The following BCAS3 variants were observed in gnomAD, a reference collection of about 807,000 sequenced individuals.
The protein encoded by BCAS3 is BCAS4/BCAS3 fusion.
Under a neutral mutation model 116.1 loss-of-function variants are expected in BCAS3, and 53 were observed. That is an observed-to-expected ratio of 0.46 (90% CI 0.37 to 0.57). The LOEUF is 0.57. Ranked by LOEUF, BCAS3 falls within the 20% of genes least tolerant of loss-of-function variation. The probability of loss-of-function intolerance (pLI) is 0.00; values close to 1 mark genes in which losing one functional copy is unlikely to be tolerated. For missense variants in BCAS3, 917 were observed against 1,165.4 expected (o/e 0.79, Z 3.10); for synonymous variants, 391 against 408.2 (o/e 0.96, Z 0.51).
At chr17:60,710,875 T>G (rs1026307265) in intron 5 of BCAS3, among the ~76,000 whole-genome samples, 18 of 151,886 alleles carry the variant, frequency 1.2e-4, no homozygotes, top group African/African-American at 2.2e-4. Flanking sequence ...TGATTGTAAT[T>G]CACTCTATCC....
rs1190339661 is a variant in BCAS3, at chr17:61,215,232, T to A, written c.2425+130668T>A. On this transcript the variant is annotated intron_variant, in intron 22 of 23. Transcript: ENST00000407086. This position sits in a 1 kb window ranked among gnomAD's most constrained non-coding sequence, Gnocchi z 4.8. Reference sequence around the variant, plus strand: ...AGAGGAGAACAAATCTCTTTTGAAATTCATTTGTTAAAGAAAATATTTCAG... The same window carrying A: ...AGAGGAGAACAAATCTCTTTTGAAAATCATTTGTTAAAGAAAATATTTCAG... 6.6e-6 allele frequency among the ~76,000 whole-genome samples: 1 copy of A among 152,216 alleles called. No homozygotes were observed. The highest frequency in any genetic ancestry group is 1.5e-5 in the Non-Finnish European group (1 of 68,038).
chr17:61,052,907 A>G (rs914005521), intron 19 of BCAS3, among the ~76,000 whole-genome samples: 5 of 151,528 alleles, frequency 3.3e-5, no homozygotes, highest in African/African-American at 1.2e-4. Flanking sequence ...TAGTAGGGAC[A>G]GGGTTTCACC....
intron 9 of BCAS3, 72 bp from the exon 10 acceptor site, chr17:60,889,623 G>A (rs987304960): frequency 9.2e-6 from 11 of 1,197,658 alleles, no homozygotes; most frequent in African/African-American, 6.1e-5. Flanking sequence ...TGTTTTTCTG[G>A]CATCGATATA....
In BCAS3 at chr17:61,156,136, CAG is replaced by C. The variant is rs1277238091; in HGVS notation, c.2425+71578_2425+71579del. Reference sequence around the variant, plus strand: ...ACTCGGTATGCACCACAAACAAACGCAGAGAGACAGAGAAAGACAGTCAGCCA... The same window carrying C: ...ACTCGGTATGCACCACAAACAAACGCAGAGACAGAGAAAGACAGTCAGCCA... On this transcript the variant is annotated intron_variant, in intron 22 of 23. Transcript: ENST00000407086. The surrounding 1 kb of genome is among the most constrained non-coding windows in gnomAD (Gnocchi z 4.7). Among the ~76,000 whole-genome samples the C allele has an allele frequency of 1.3e-5, 2 of 149,026 alleles. No homozygotes were observed. Among genetic ancestry groups the C allele is most frequent in the Non-Finnish European group, 3.0e-5 (2 of 67,390 alleles).
At chr17:61,040,994 T>C in intron 19 of BCAS3, 102 bp downstream of exon 19, 3 of 947,486 alleles carry the variant, frequency 3.2e-6, no homozygotes, top group Admixed American at 2.1e-5. Context: ...CCATAGGCCA[T>C]GGGCCTTAAA....
chr17:60,910,912 A>G (rs1256644832), intron 12 of BCAS3, among the ~76,000 whole-genome samples: 1 of 152,194 alleles, frequency 6.6e-6, no homozygotes, highest in African/African-American at 2.4e-5. Flanking sequence ...ACCTGAAGGT[A>G]AAGTCGAGGT....
At chr17:61,005,712 A>G (rs2064628602) in intron 15 of BCAS3, among the ~76,000 whole-genome samples, 1 of 150,244 alleles carries the variant, frequency 6.7e-6, no homozygotes, top group South Asian at 2.1e-4. Context: ...TTCAGTTTAC[A>G]TCATTTTGAT....
intron 6 of BCAS3, among the ~76,000 whole-genome samples, chr17:60,791,038 G>A (rs899665323): frequency 5.9e-5 from 9 of 151,778 alleles, no homozygotes; most frequent in Admixed American, 5.3e-4. Context: ...CACTGCACTC[G>A]GCCTTAGTTT....
intron 4 of BCAS3, among the ~76,000 whole-genome samples, chr17:60,706,068 T>A (rs2037083535): frequency 6.6e-6 from 1 of 150,824 alleles, no homozygotes; most frequent in African/African-American, 2.4e-5. Flanking sequence ...GGATGAAGAC[T>A]TTTTTTTTAT....
At chr17:60,799,676 G>A (rs558018628) in intron 6 of BCAS3, among the ~76,000 whole-genome samples, 5 of 146,490 alleles carry the variant, frequency 3.4e-5, no homozygotes, top group Admixed American at 6.8e-5. Flanking sequence ...TTACAGGTGC[G>A]CGCCACTACG....
intron 22 of BCAS3, among the ~76,000 whole-genome samples, chr17:61,254,122 G>C (rs1216384896): frequency 2.0e-5 from 3 of 152,162 alleles, no homozygotes; most frequent in Non-Finnish European, 2.9e-5. Flanking sequence ...ACTCAAGAGA[G>C]CCGGCCTCCT....
At chr17:61,353,440 G>C (rs1395515097) in intron 22 of BCAS3, 1 of 152,440 alleles carries the variant, frequency 6.6e-6, no homozygotes, top group Non-Finnish European at 1.5e-5. Context: ...GCTGCTGCTG[G>C]TGGGTGGAGC....
chr17:61,045,977 T>TTA (rs1247798928), intron 19 of BCAS3, among the ~76,000 whole-genome samples: 1 of 9,742 alleles, frequency 1.0e-4, no homozygotes, highest in Non-Finnish European at 1.3e-4. Context: ...TATATATATA[T>TTA]TATATATATA....
At position 61,309,877 on chromosome 17, in the gene BCAS3, A is replaced by AT. The variant is rs2054160875; in HGVS notation, c.2426-58449dup. Among the ~76,000 whole-genome samples, 1 of 152,216 alleles carries AT rather than the reference A, an allele frequency of 6.6e-6. No individual in the cohort carries two copies. The highest frequency in any genetic ancestry group is 1.5e-5 in the Non-Finnish European group (1 of 68,034). On this transcript the variant is annotated intron_variant, in intron 22 of 23. Transcript: ENST00000407086. The surrounding 1 kb of genome is among the most constrained non-coding windows in gnomAD (Gnocchi z 4.6). ...AAATGACAGCTTGTTTAAGGAAGCC[A>AT]TGAACTAGCAAATGTAGTTAAAAGA...
rs2049155658 is a variant in BCAS3 at position 61,261,004 on chromosome 17, A to G, written c.2426-107323A>G. Among the ~76,000 whole-genome samples the G allele has an allele frequency of 1.3e-5, 2 of 152,222 alleles. No homozygotes were observed. Among genetic ancestry groups the G allele is most frequent in the African/African-American group, 4.8e-5 (2 of 41,456 alleles). On this transcript the variant is annotated intron_variant, in intron 22 of 23. Transcript: ENST00000407086. The surrounding 1 kb of genome is among the most constrained non-coding windows in gnomAD (Gnocchi z 4.4). ...TTATAATTGACTCTAGGAGGCAGAC[A>G]TGGTGAAAAGGGTGTGGGAAGAAAT...
intron 23 of BCAS3, among the ~76,000 whole-genome samples, chr17:61,370,137 C>CA (rs1313798214): frequency 1.3e-5 from 2 of 152,090 alleles, no homozygotes; most frequent in Non-Finnish European, 2.9e-5. Flanking sequence ...ATCTGCCAGA[C>CA]AGCTGAGGGA....
At chr17:61,047,011 G>A (rs757396458) in intron 19 of BCAS3, among the ~76,000 whole-genome samples, 3 of 151,920 alleles carry the variant, frequency 2.0e-5, no homozygotes, top group Non-Finnish European at 2.9e-5. Context: ...TTCTGTATAT[G>A]TGGCAAAAAG....
In BCAS3 at chr17:61,124,065, A is replaced by G. The variant is rs1295923958; in HGVS notation, c.2425+39501A>G. Reference sequence around the variant, plus strand: ...CAAATGTTATTTCAAACTTGTATCTAGGAGAGAGATATATATATATACATA... The same window carrying G: ...CAAATGTTATTTCAAACTTGTATCTGGGAGAGAGATATATATATATACATA... On this transcript the variant is annotated intron_variant, in intron 22 of 23. Coordinates refer to ENST00000407086, the MANE Select transcript of BCAS3 (RefSeq NM_017679.5). The surrounding 1 kb of genome is among the most constrained non-coding windows in gnomAD (Gnocchi z 4.6). Among the ~76,000 whole-genome samples the G allele has an allele frequency of 6.6e-6, 1 of 152,022 alleles. No individual in the cohort carries two copies. Among genetic ancestry groups the G allele is most frequent in the Middle Eastern group, 3.4e-3 (1 of 292 alleles).
chr17:61,303,072 G>C (rs1398046500), intron 22 of BCAS3, among the ~76,000 whole-genome samples: 2 of 152,240 alleles, frequency 1.3e-5, no homozygotes, highest in Non-Finnish European at 2.9e-5. Flanking sequence ...CAGGACCTCT[G>C]AGATGGACCC....
Sources: allele counts gnomAD v4.1 joint callset (sites outside exome capture counted in the v4.1 genomes callset), GRCh38; gene constraint gnomAD v4.1.1; non-coding constraint Gnocchi (gnomAD v3.1); transcripts MANE v1.5; gene names NCBI Gene and HGNC (gene_info 2026-07-23, HGNC 2026-07-21).